The following TCF12 variants were observed in gnomAD, a reference collection of about 807,000 sequenced individuals.
The protein encoded by TCF12 is transcription factor 12.
TCF12 carries 45 observed loss-of-function variants against 86.0 expected under a neutral mutation model. The observed-to-expected ratio is 0.52, with a 90% CI of 0.41 to 0.67. TCF12 has a LOEUF of 0.67. Among genes scored for constraint, TCF12 ranks in the 30% least tolerant of loss-of-function variants. The pLI, the probability that TCF12 is intolerant of heterozygous loss-of-function variation, is 0.00. For missense variants in TCF12, 881 were observed against 859.9 expected, an observed-to-expected ratio of 1.02 and a Z score of -0.31; for synonymous variants, 330 against 299.6, an observed-to-expected ratio of 1.10 and a Z score of -1.05.
Position 57,171,344 on chromosome 15 carries a change from C to T in TCF12, c.390+4878C>T, listed in dbSNP as rs149280044. Among the ~76,000 whole-genome samples, 18 of 151,456 alleles carry T rather than the reference C, an allele frequency of 1.2e-4. 1 individual carries two copies. The highest frequency in any genetic ancestry group is 4.4e-4 in the African/African-American group (18 of 41,244). ...CAAGGATAAACTATTCAAAGGAAAA[C>T]ATGTATTCCAGACAGTATTTATTAT... On this transcript the variant is annotated intron_variant, in intron 6 of 20. Coordinates refer to ENST00000333725, the MANE Select transcript of TCF12 (RefSeq NM_207037.2).
chr15:57,006,213 T>C (rs534786936), intron 3 of TCF12, among the ~76,000 whole-genome samples: 4 of 152,332 alleles, frequency 2.6e-5, no homozygotes, highest in African/African-American at 7.2e-5. Context: ...TATTTAAAAT[T>C]CCATGTTGAG....
intron 19 of TCF12, among the ~76,000 whole-genome samples, chr15:57,274,337 A>G (rs928860652): frequency 1.3e-5 from 2 of 152,208 alleles, no homozygotes; most frequent in Non-Finnish European, 2.9e-5. Flanking sequence ...TCCCTCCAAT[A>G]TATTTAATGA....
At chr15:57,181,953 A>G (rs1237132329) in intron 6 of TCF12, among the ~76,000 whole-genome samples, 1 of 152,178 alleles carries the variant, frequency 6.6e-6, no homozygotes, top group Non-Finnish European at 1.5e-5. Context: ...AGATATATGT[A>G]TTTCTATAAA....
At chr15:56,938,040 CTTTTCTTTTTTT>C (rs1742238942) in intron 3 of TCF12, among the ~76,000 whole-genome samples, 1 of 21,800 alleles carries the variant, frequency 4.6e-5, no homozygotes, top group South Asian at 1.1e-3. Flanking sequence ...TTTTTCGTTT[CTTTTCTTTTTTT>C]TTTTTTTTGA....
At chr15:57,030,947 C>G (rs2066139268) in intron 3 of TCF12, among the ~76,000 whole-genome samples, 1 of 152,156 alleles carries the variant, frequency 6.6e-6, no homozygotes, top group Non-Finnish European at 1.5e-5. Flanking sequence ...TCATCAAATC[C>G]AACCAATTGC....
chr15:57,249,024 G>A (rs1039962025), intron 13 of TCF12, among the ~76,000 whole-genome samples: 3 of 152,016 alleles, frequency 2.0e-5, no homozygotes, highest in Non-Finnish European at 2.9e-5. Flanking sequence ...GCTTACAGAA[G>A]GAGTAGAAAA....
intron 3 of TCF12, among the ~76,000 whole-genome samples, chr15:56,949,786 A>G (rs1595813820): frequency 6.6e-6 from 1 of 152,318 alleles, no homozygotes; most frequent in East Asian, 1.9e-4. Flanking sequence ...TACAACCTGG[A>G]AAGTTCTTTA....
At chr15:57,004,016 G>T (rs1261543931) in intron 3 of TCF12, among the ~76,000 whole-genome samples, 1 of 152,064 alleles carries the variant, frequency 6.6e-6, no homozygotes, top group African/African-American at 2.4e-5. Context: ...TAGATGGGCT[G>T]TTGACCTTAA....
In TCF12 at chr15:57,230,969, T is replaced by C. The variant is rs957264850; in HGVS notation, c.580-183T>C. ...ATAACCAGCTTAAAAAAAAAAAACA[T>C]GTGGATGGTAATTAAGTTTGACATT... On this transcript the variant is annotated intron_variant, in intron 8 of 20. Coordinates refer to ENST00000333725, the MANE Select transcript of TCF12 (RefSeq NM_207037.2). 8.1e-5 allele frequency among the ~76,000 whole-genome samples: 12 copies of C among 148,988 alleles called. No homozygotes were observed. The East Asian group carries it at 9.8e-4, about 12-fold the overall frequency.
intron 3 of TCF12, among the ~76,000 whole-genome samples, chr15:56,944,687 G>T (rs761672089): frequency 5.3e-5 from 8 of 152,070 alleles, no homozygotes; most frequent in Non-Finnish European, 8.8e-5. Flanking sequence ...TGATTGTTCT[G>T]TGAACCTTCT....
intron 3 of TCF12, among the ~76,000 whole-genome samples, chr15:56,927,694 G>T (rs192167345): frequency 2.2e-3 from 342 of 152,092 alleles, no homozygotes; most frequent in Non-Finnish European, 2.9e-3. Context: ...GATTTCTTTT[G>T]GTTAGGAGAT....
At chr15:57,008,480 A>G (rs1476678851) in intron 3 of TCF12, among the ~76,000 whole-genome samples, 2 of 151,256 alleles carry the variant, frequency 1.3e-5, no homozygotes, top group African/African-American at 4.9e-5. Flanking sequence ...TTCAGCTCCC[A>G]AGTAACTAGG....
chr15:57,176,870 T>C (rs2055952118), intron 6 of TCF12, among the ~76,000 whole-genome samples: 1 of 152,214 alleles, frequency 6.6e-6, no homozygotes, highest in Admixed American at 6.5e-5. Context: ...AGTTGAATAT[T>C]GGACTTACAG....
chr15:57,031,733 CA>C (rs1231184591), intron 3 of TCF12, among the ~76,000 whole-genome samples: 1 of 152,186 alleles, frequency 6.6e-6, no homozygotes, highest in Non-Finnish European at 1.5e-5. Context: ...TGCAGAAAAA[CA>C]GCCAGATCCA....
chr15:57,285,547 G>A (rs1340254516), intron 20 of TCF12, among the ~76,000 whole-genome samples: 6 of 152,288 alleles, frequency 3.9e-5, no homozygotes, highest in African/African-American at 1.4e-4. Flanking sequence ...GGTGCTCTCA[G>A]TTTAGATGAA....
chr15:56,947,601 C>A (rs1339317508), intron 3 of TCF12, among the ~76,000 whole-genome samples: 2 of 152,030 alleles, frequency 1.3e-5, no homozygotes, highest in African/African-American at 4.8e-5. Flanking sequence ...TATTTGTTTT[C>A]CAGTGTTGGG....
intron 3 of TCF12, among the ~76,000 whole-genome samples, chr15:56,984,916 C>T (rs1326680130): frequency 3.3e-5 from 5 of 152,058 alleles, no homozygotes; most frequent in Non-Finnish European, 7.4e-5. Flanking sequence ...GCTAAGACAC[C>T]GTGAAAAATA....
chr15:57,169,994 T>C (rs1299761285), intron 6 of TCF12, among the ~76,000 whole-genome samples: 3 of 152,220 alleles, frequency 2.0e-5, no homozygotes, highest in African/African-American at 7.2e-5. Flanking sequence ...TAATAAAATT[T>C]GCTACCATTT....
intron 3 of TCF12, among the ~76,000 whole-genome samples, chr15:56,933,544 C>G (rs1235069143): frequency 6.6e-6 from 1 of 152,092 alleles, no homozygotes; most frequent in Non-Finnish European, 1.5e-5. Context: ...TTATTATTTA[C>G]TAGATATGTG....
Sources: allele counts gnomAD v4.1 joint callset (sites outside exome capture counted in the v4.1 genomes callset), GRCh38; gene constraint gnomAD v4.1.1; transcripts MANE v1.5; gene names NCBI Gene and HGNC (gene_info 2026-07-23, HGNC 2026-07-21).